Variants in MACROD2 observed in about 807,000 individuals in gnomAD.
MACROD2 encodes the protein mono-ADP ribosylhydrolase 2.
In MACROD2, 36 loss-of-function variants were observed where a neutral mutation model predicts 70.4. That is an observed-to-expected ratio of 0.51 (90% CI 0.39 to 0.68). MACROD2 has a LOEUF of 0.68. Among genes scored for constraint, MACROD2 ranks in the 30% least tolerant of loss-of-function variants. MACROD2 has a pLI of 0.00. For missense variants in MACROD2, 496 were observed against 538.4 expected, an observed-to-expected ratio of 0.92 and a Z score of 0.78; for synonymous variants, 172 against 178.8, an observed-to-expected ratio of 0.96 and a Z score of 0.30.
At chr20:15,812,238 C>T (rs1268290352) in intron 8 of MACROD2, among the ~76,000 whole-genome samples, 2 of 152,264 alleles carry the variant, frequency 1.3e-5, no homozygotes, top group Middle Eastern at 3.4e-3. Flanking sequence ...CCAGCAAATG[C>T]CTATTGAGTT....
chr20:15,470,036 A>C (rs1283572033), intron 7 of MACROD2, among the ~76,000 whole-genome samples: 1 of 151,972 alleles, frequency 6.6e-6, no homozygotes, highest in Non-Finnish European at 1.5e-5. Flanking sequence ...ATCTTTCTGT[A>C]CCATTTTTAT....
At chr20:15,399,086 C>A (rs1283685283) in intron 6 of MACROD2, among the ~76,000 whole-genome samples, 1 of 152,164 alleles carries the variant, frequency 6.6e-6, no homozygotes, top group Non-Finnish European at 1.5e-5. Context: ...ATGATCACCC[C>A]AGTATCATGG....
At chr20:16,013,401 G>A (rs1487661898) in intron 15 of MACROD2, among the ~76,000 whole-genome samples, 2 of 152,082 alleles carry the variant, frequency 1.3e-5, no homozygotes, top group African/African-American at 2.4e-5. Flanking sequence ...GGTGGACCTG[G>A]GATAGGGAAG....
intron 3 of MACROD2, among the ~76,000 whole-genome samples, chr20:14,328,332 T>C (rs1311496121): frequency 2.0e-5 from 3 of 152,128 alleles, no homozygotes; most frequent in Non-Finnish European, 4.4e-5. Context: ...CATTTTGTTA[T>C]ATGTTTCATA....
intron 6 of MACROD2, among the ~76,000 whole-genome samples, chr20:15,335,295 T>C (rs149792433): frequency 6.6e-6 from 1 of 151,796 alleles, no homozygotes; most frequent in Non-Finnish European, 1.5e-5. Context: ...CAAACACTTT[T>C]GTTGTTATTT....
intron 6 of MACROD2, among the ~76,000 whole-genome samples, chr20:15,241,147 G>A (rs1367065274): frequency 6.6e-6 from 1 of 152,126 alleles, no homozygotes; most frequent in Non-Finnish European, 1.5e-5. Flanking sequence ...ATAACAGTAT[G>A]TACTTCCTAG....
chr20:15,920,477 T>A (rs1468689311), intron 10 of MACROD2, among the ~76,000 whole-genome samples: 2 of 152,228 alleles, frequency 1.3e-5, no homozygotes, highest in South Asian at 2.1e-4. Context: ...TATACAAAAT[T>A]TCTAGAAGTT....
intron 5 of MACROD2, among the ~76,000 whole-genome samples, chr20:15,173,515 C>T (rs144383226): frequency 8.1e-4 from 123 of 152,260 alleles, no homozygotes; most frequent in Middle Eastern, 3.4e-3. Flanking sequence ...AGGCTGTGAT[C>T]CCTAAATGTC....
chr20:15,499,802 T>C lies in MACROD2; in HGVS notation c.600T>C (p.Ile200=), dbSNP rs745502463. 4 of 1,613,904 alleles carry C rather than the reference T, an allele frequency of 2.5e-6. No homozygotes were observed. Among genetic ancestry groups the C allele is most frequent in the East Asian group, 2.2e-5 (1 of 44,870 alleles). The change falls in exon 8 of 18, where the codon ATT becomes ATC. Residue 200 remains isoleucine (I), a synonymous_variant. Coordinates refer to ENST00000684519, the MANE Select transcript of MACROD2 (RefSeq NM_001351661.2). ...YGFPNEPAAV[I]ALNTIKEWLA... The stretch of plus-strand genomic sequence containing the variant: ...TTCCCAACGAGCCTGCTGCAGTCAT[T>C]GCCCTCAACACCATTAAGGAATGGC...
At chr20:15,967,483 G>C (rs898389593) in intron 12 of MACROD2, 70 bp from the exon 13 acceptor site, 4 of 1,178,184 alleles carry the variant, frequency 3.4e-6, no homozygotes. Flanking sequence ...AATCTATCAT[G>C]TTAGTGCTGA....
chr20:14,357,894 C>T (rs2083187961), intron 3 of MACROD2, among the ~76,000 whole-genome samples: 3 of 152,186 alleles, frequency 2.0e-5, no homozygotes, highest in Admixed American at 6.5e-5. Context: ...CTGTTTTGCC[C>T]CTCCTCCCCA....
intron 5 of MACROD2, among the ~76,000 whole-genome samples, chr20:14,985,512 T>C (rs901013902): frequency 6.6e-6 from 1 of 152,050 alleles, no homozygotes; most frequent in Non-Finnish European, 1.5e-5. Flanking sequence ...GCCTTTTAGG[T>C]CCCAACAGCA....
chr20:15,893,873 T>C (rs772396620), intron 10 of MACROD2: 10 of 456,606 alleles, frequency 2.2e-5, no homozygotes, highest in South Asian at 1.4e-4. Flanking sequence ...AAATGGGCAA[T>C]GGAGCAGGAG....
chr20:14,399,123 G>T (rs1477405306), intron 3 of MACROD2, among the ~76,000 whole-genome samples: 3 of 151,214 alleles, frequency 2.0e-5, no homozygotes, highest in Non-Finnish European at 4.4e-5. Flanking sequence ...GGGTTCAAGT[G>T]ATTCTCCTGC....
chr20:15,210,610 T>C (rs2076755122), intron 5 of MACROD2, among the ~76,000 whole-genome samples: 1 of 151,452 alleles, frequency 6.6e-6, no homozygotes, highest in Admixed American at 6.6e-5. Context: ...TAGACTTGTG[T>C]CTCTGCCCAA....
rs75971320 is a variant in MACROD2, at chr20:15,653,229, A to C, written c.645+153382A>C. ...AGATTAGCACTCTCTTTATTTGTGC[A>C]CATAAATTGCTATGTCTTTTATTCA... is the stretch of plus-strand genomic sequence containing the variant. On this transcript the variant is annotated intron_variant, in intron 8 of 17. Transcript: ENST00000684519. Among the ~76,000 whole-genome samples, 1,054 of 152,366 alleles carry C rather than the reference A, an allele frequency of 6.9e-3. 14 individuals carry two copies. The highest frequency in any genetic ancestry group is 0.024 in the African/African-American group (1,018 of 41,592).
chr20:15,988,119 A>G (rs2066511508), intron 15 of MACROD2, among the ~76,000 whole-genome samples: 4 of 152,184 alleles, frequency 2.6e-5, no homozygotes, highest in Admixed American at 2.6e-4. Context: ...AAACCATGTT[A>G]GAGATTTTGA....
At chr20:15,616,753 C>G (rs2049044947) in intron 8 of MACROD2, among the ~76,000 whole-genome samples, 1 of 152,208 alleles carries the variant, frequency 6.6e-6, no homozygotes, top group South Asian at 2.1e-4. Context: ...CCAGTTCTAA[C>G]TAGTGTTGAT....
At chr20:14,230,654 T>TATATATATATATATATATA in intron 3 of MACROD2, among the ~76,000 whole-genome samples, 1 of 74,240 alleles carries the variant, frequency 1.3e-5, no homozygotes, top group African/African-American at 6.8e-5. Flanking sequence ...TATATATATA[T>TATATATATATATATATATA]AACACAGGCT....
Sources: allele counts gnomAD v4.1 joint callset (sites outside exome capture counted in the v4.1 genomes callset), GRCh38; gene constraint gnomAD v4.1.1; transcripts MANE v1.5; gene names NCBI Gene and HGNC (gene_info 2026-07-23, HGNC 2026-07-21).